LIN52: variants seen among roughly 807,000 people sequenced by gnomAD.
LIN52 encodes protein lin-52 homolog.
In LIN52, 4 loss-of-function variants were observed where a neutral mutation model predicts 18.5. The observed-to-expected ratio is 0.22, with a 90% CI of 0.11 to 0.49. LIN52 has a LOEUF of 0.49. Among genes scored for constraint, LIN52 ranks in the 20% least tolerant of loss-of-function variants. The pLI is 0.97. For synonymous variants in LIN52, 34 were observed against 45.5 expected, an observed-to-expected ratio of 0.75 and a Z score of 1.02; for missense variants, 102 against 139.5, an observed-to-expected ratio of 0.73 and a Z score of 1.35.
At chr14:74,103,761 T>C (rs1478314059) in intron 5 of LIN52, among the ~76,000 whole-genome samples, 2 of 115,690 alleles carry the variant, frequency 1.7e-5, no homozygotes, top group African/African-American at 7.0e-5. Flanking sequence ...TTTTTTTTTT[T>C]TTTTTTTTAA....
At chr14:74,173,530 G>A (rs1036241498) in intron 5 of LIN52, among the ~76,000 whole-genome samples, 9 of 152,052 alleles carry the variant, frequency 5.9e-5, no homozygotes, top group Non-Finnish European at 1.5e-5. Context: ...TTCACTTTGT[G>A]GATTTTGATA....
At chr14:74,171,017 C>T (rs200648073) in intron 5 of LIN52, among the ~76,000 whole-genome samples, 2 of 117,494 alleles carry the variant, frequency 1.7e-5, no homozygotes, top group Non-Finnish European at 3.5e-5. Context: ...TCCGTCTGTA[C>T]CAAAAAAAAA....
intron 5 of LIN52, among the ~76,000 whole-genome samples, chr14:74,146,701 T>G (rs1198018954): frequency 6.6e-6 from 1 of 152,076 alleles, no homozygotes; most frequent in East Asian, 1.9e-4. Flanking sequence ...TGGAAATAAT[T>G]GCAAGGGACC....
chr14:74,166,435 G>A (rs932113199), intron 5 of LIN52, among the ~76,000 whole-genome samples: 9 of 150,988 alleles, frequency 6.0e-5, no homozygotes, highest in African/African-American at 1.7e-4. Flanking sequence ...GGCTGGTCGC[G>A]AACTCCTGAC....
intron 5 of LIN52, among the ~76,000 whole-genome samples, chr14:74,190,926 G>T (rs1174074989): frequency 1.3e-5 from 2 of 152,230 alleles, no homozygotes; most frequent in African/African-American, 4.8e-5. Flanking sequence ...GTGACACTGT[G>T]TGCTCTTCAC....
intron 5 of LIN52, among the ~76,000 whole-genome samples, chr14:74,179,359 TA>T (rs2061306889): frequency 6.6e-6 from 1 of 152,064 alleles, no homozygotes; most frequent in Non-Finnish European, 1.5e-5. Flanking sequence ...ATAGTTTTGG[TA>T]AAAATTCTAA....
intron 5 of LIN52, among the ~76,000 whole-genome samples, chr14:74,185,572 G>A (rs146584633): frequency 4.6e-5 from 7 of 151,940 alleles, no homozygotes; most frequent in African/African-American, 1.4e-4. Context: ...CTCGGCCTCC[G>A]AAAGTGCTGG....
chr14:74,119,160 C>CTTTTTTTT (rs543503099), intron 5 of LIN52, among the ~76,000 whole-genome samples: 1 of 115,422 alleles, frequency 8.7e-6, no homozygotes, highest in Non-Finnish European at 1.8e-5. Flanking sequence ...GATTTTCTTT[C>CTTTTTTTT]TTTTTTTTTT....
intron 5 of LIN52, among the ~76,000 whole-genome samples, chr14:74,148,234 T>C (rs11627425): frequency 0.78 from 117,880 of 151,936 alleles, 46,054 homozygotes; most frequent in Admixed American, 0.81. Context: ...TTGGAAATAA[T>C]CTCCTGATCC....
intron 5 of LIN52, among the ~76,000 whole-genome samples, chr14:74,176,086 G>A (rs2061292946): frequency 6.6e-6 from 1 of 152,172 alleles, no homozygotes; most frequent in South Asian, 2.1e-4. Flanking sequence ...TTCAGAGGCA[G>A]TAACACACAT....
At chr14:74,124,057 A>C (rs1244890383) in intron 5 of LIN52, among the ~76,000 whole-genome samples, 4 of 152,080 alleles carry the variant, frequency 2.6e-5, no homozygotes, top group African/African-American at 9.7e-5. Context: ...ATGGATTTTT[A>C]TTTATTTATT....
At chr14:74,090,338 G>A (rs553794839) in intron 1 of LIN52, among the ~76,000 whole-genome samples, 84 of 150,136 alleles carry the variant, frequency 5.6e-4, no homozygotes, top group African/African-American at 2.0e-3. Flanking sequence ...TTGTTTGTTT[G>A]TTTGTTTGTT....
At chr14:74,093,394 T>C (rs1398048673) in intron 2 of LIN52, among the ~76,000 whole-genome samples, 3 of 149,514 alleles carry the variant, frequency 2.0e-5, no homozygotes, top group Non-Finnish European at 3.0e-5. Context: ...TGGTGCAGTC[T>C]TGGCTCACAG....
chr14:74,120,509 C>G (rs1423551943), intron 5 of LIN52, among the ~76,000 whole-genome samples: 3 of 152,014 alleles, frequency 2.0e-5, no homozygotes, highest in African/African-American at 7.2e-5. Context: ...AATCCCAGCA[C>G]TTTGGGAGGC....
At chr14:74,182,958 C>A (rs994254986) in intron 5 of LIN52, among the ~76,000 whole-genome samples, 1 of 152,072 alleles carries the variant, frequency 6.6e-6, no homozygotes, top group Admixed American at 6.6e-5. Context: ...TTAGGCTTAA[C>A]CTGAGTTTGA....
Position 74,091,234 on chromosome 14 carries a change from A to G in LIN52, c.22A>G (p.Thr8Ala). ...TTCATCTGGATGTTTTGTTCTAGGG[A>G]CAGATCTGGAAGCATCTTTGCTAAG... The part of the protein sequence containing the change: MASPTDG[T>A]DLEASLLSFE... The change falls in exon 2 of 6, where the codon ACA becomes GCA. Residue 8 changes from threonine to alanine, a missense_variant and splice_region_variant. Coordinates refer to ENST00000555028, the MANE Select transcript of LIN52 (RefSeq NM_001024674.3). The G allele has an allele frequency of 6.2e-7, 1 of 1,607,640 alleles. No individual in the cohort carries two copies. Among genetic ancestry groups the G allele is most frequent in the Middle Eastern group, 1.7e-4 (1 of 6,038 alleles).
At chr14:74,166,352 G>A (rs969659068) in intron 5 of LIN52, among the ~76,000 whole-genome samples, 3 of 151,932 alleles carry the variant, frequency 2.0e-5, no homozygotes, top group African/African-American at 4.8e-5. Flanking sequence ...GAGTAGCTGG[G>A]ATTATAGACA....
At chr14:74,133,253 G>A (rs1233066812) in intron 5 of LIN52, among the ~76,000 whole-genome samples, 4 of 152,190 alleles carry the variant, frequency 2.6e-5, no homozygotes, top group East Asian at 3.8e-4. Flanking sequence ...CCTGCTAGTC[G>A]CATCTAAATA....
intron 4 of LIN52, 56 bp downstream of exon 4, chr14:74,097,916 C>T: frequency 2.3e-6 from 3 of 1,305,122 alleles, no homozygotes; most frequent in Non-Finnish European, 3.3e-6. Context: ...CCATAGACCA[C>T]CTCTCTATTT....
Sources: gnomAD v4.1 joint callset for allele counts (sites outside exome capture counted in the v4.1 genomes callset) on GRCh38, gnomAD v4.1.1 for gene constraint, MANE v1.5 for transcripts, NCBI Gene and HGNC (gene_info 2026-07-23, HGNC 2026-07-21) for gene names.